Variants in VMA22 observed in about 807,000 individuals in gnomAD.
The protein encoded by VMA22 is vacuolar ATPase assembly factor VMA22.
chr2:130,341,932 G>T, the VMA22 span: 4 of 1,613,642 alleles, frequency 2.5e-6, no homozygotes, highest in Non-Finnish European at 2.5e-6. Context: ...GCCTTGGCGA[G>T]CGAGAGCCAG....
the VMA22 span, chr2:130,340,012 C>T: frequency 1.5e-5 from 5 of 335,606 alleles, no homozygotes; most frequent in South Asian, 2.7e-5. Flanking sequence ...TCCAGCAGGG[C>T]GTCGGTGGAT....
At chr2:130,339,219 G>A in the VMA22 span, 3,931 of 1,613,792 alleles carry the variant, frequency 2.4e-3, 8 homozygotes, top group South Asian at 3.0e-3. Context: ...CTATGTCTGC[G>A]GCCAGCTGCA....
chr2:130,339,108 T>C, the VMA22 span: 9 of 1,603,006 alleles, frequency 5.6e-6, no homozygotes, highest in East Asian at 1.8e-4. Flanking sequence ...GCCCTGCCTC[T>C]TTGCGCGCAT....
the VMA22 span, chr2:130,341,581 C>CA: frequency 1.6e-6 from 2 of 1,222,876 alleles, no homozygotes; most frequent in Non-Finnish European, 2.3e-6. Flanking sequence ...TCTCTTATCG[C>CA]AAAAACCTAA....
the VMA22 span, chr2:130,341,439 T>G: frequency 1.7e-6 from 1 of 573,362 alleles, no homozygotes; most frequent in Non-Finnish European, 3.1e-6. Context: ...TCTGTTCAGC[T>G]GACTGAAATG....
At chr2:130,341,461 A>C in the VMA22 span, 2 of 582,670 alleles carry the variant, frequency 3.4e-6, no homozygotes, top group Non-Finnish European at 6.1e-6. Context: ...ATGTGATTGT[A>C]AATCTATTCC....
the VMA22 span, chr2:130,339,410 T>TC: frequency 2.1e-4 from 290 of 1,413,670 alleles, no homozygotes; most frequent in Non-Finnish European, 2.6e-4. Flanking sequence ...GCCTTACACC[T>TC]CCTTCAGGTC....
At chr2:130,341,650 AG>A in the VMA22 span, 22 of 1,602,392 alleles carry the variant, frequency 1.4e-5, no homozygotes, top group South Asian at 6.7e-5. Context: ...GTTCTGCAGA[AG>A]GAAGAGGGGG....
chr2:130,339,653 C>A, the VMA22 span: 4 of 1,305,042 alleles, frequency 3.1e-6, no homozygotes, highest in Non-Finnish European at 4.0e-6. Context: ...CAGCTGCTGC[C>A]CAGTCCTCCG....
At chr2:130,339,895 A>C in the VMA22 span, 1 of 1,170,556 alleles carries the variant, frequency 8.5e-7, no homozygotes, top group Non-Finnish European at 1.1e-6. Flanking sequence ...TGTGTCAAAA[A>C]CTTTGGAATT....
the VMA22 span, chr2:130,340,886 C>A: frequency 6.2e-7 from 1 of 1,613,842 alleles, no homozygotes; most frequent in Non-Finnish European, 8.5e-7. Context: ...GGCCACAGAG[C>A]CAAACAACAC....
At chr2:130,341,886 AG>A in the VMA22 span, 1 of 1,605,502 alleles carries the variant, frequency 6.2e-7, no homozygotes, top group South Asian at 1.1e-5. Flanking sequence ...AGCATACTGC[AG>A]GGGCCCTACC....
the VMA22 span, chr2:130,340,353 C>CAGAG: frequency 1.1e-5 from 2 of 176,600 alleles, no homozygotes; most frequent in Admixed American, 5.4e-5. Flanking sequence ...GTTGCACCAT[C>CAGAG]CTCTGCTCAG....
At chr2:130,341,282 C>T in the VMA22 span, 1 of 566,604 alleles carries the variant, frequency 1.8e-6, no homozygotes, top group Non-Finnish European at 3.1e-6. Flanking sequence ...ACCCTGTTTG[C>T]CTGTGACACT....
At chr2:130,339,924 A>G in the VMA22 span, 34 of 923,202 alleles carry the variant, frequency 3.7e-5, 1 homozygote, top group East Asian at 1.8e-3. Context: ...AGTGCTATGC[A>G]GTGGACTCCC....
chr2:130,339,528 C>T, the VMA22 span: 15 of 1,287,228 alleles, frequency 1.2e-5, no homozygotes, highest in African/African-American at 1.1e-4. Context: ...TTCCTTCCTT[C>T]CCCCATTATT....
the VMA22 span, chr2:130,339,249 A>T: frequency 6.2e-7 from 1 of 1,605,468 alleles, no homozygotes; most frequent in South Asian, 1.1e-5. Flanking sequence ...GAAAGGAGAG[A>T]AGGTCACCAT....
chr2:130,339,717 A>G, the VMA22 span: 1 of 1,304,056 alleles, frequency 7.7e-7, no homozygotes. Flanking sequence ...CACACATTGG[A>G]TCACTCGCTC....
chr2:130,341,809 G>GCCCA, the VMA22 span: 5 of 378,276 alleles, frequency 1.3e-5, no homozygotes, highest in Non-Finnish European at 2.2e-5. Flanking sequence ...GCGCCCGCCC[G>GCCCA]CCCACCCAGC....
Sources: gnomAD v4.1 joint callset for allele counts on GRCh38, gnomAD v4.1.1 for gene constraint, MANE v1.5 for transcripts, NCBI Gene and HGNC (gene_info 2026-07-23, HGNC 2026-07-21) for gene names.